The following TSPAN18 variants were observed in gnomAD, a reference collection of about 807,000 sequenced individuals.
The protein encoded by TSPAN18 is tetraspanin 18, also known as tetraspanin-18.
Under a neutral mutation model 27.3 loss-of-function variants are expected in TSPAN18, and 14 were observed. That is an observed-to-expected ratio of 0.51 (90% CI 0.34 to 0.80). TSPAN18 has a LOEUF of 0.80. Ranked by LOEUF, TSPAN18 falls within the 30% of genes least tolerant of loss-of-function variation. TSPAN18 has a pLI of 0.01. For missense variants in TSPAN18, 268 were observed against 323.9 expected (o/e 0.83, Z 1.32); for synonymous variants, 143 against 136.5 (o/e 1.05, Z -0.33).
At chr11:44,826,396 C>T (rs1362871203) in intron 2 of TSPAN18, among the ~76,000 whole-genome samples, 1 of 152,188 alleles carries the variant, frequency 6.6e-6, no homozygotes, top group Non-Finnish European at 1.5e-5. Flanking sequence ...TGCACTCCAG[C>T]CTGGGCAACA....
At chr11:44,865,374 G>T (rs148858831) in intron 3 of TSPAN18, among the ~76,000 whole-genome samples, 1 of 152,246 alleles carries the variant, frequency 6.6e-6, no homozygotes, top group Non-Finnish European at 1.5e-5. Context: ...GCAGAGCTCT[G>T]GGCACGTGGT....
chr11:44,910,515 G>A (rs753639167), intron 5 of TSPAN18, among the ~76,000 whole-genome samples: 3 of 152,342 alleles, frequency 2.0e-5, no homozygotes, highest in Middle Eastern at 3.4e-3. Context: ...TTTCTCCAAG[G>A]CATGGTCAGC....
chr11:44,848,383 C>T (rs1857528238), intron 2 of TSPAN18, among the ~76,000 whole-genome samples: 1 of 152,224 alleles, frequency 6.6e-6, no homozygotes, highest in Non-Finnish European at 1.5e-5. Context: ...CACTGAGCTG[C>T]CTTCCCCCAA....
rs116290785 is a variant in TSPAN18, at chr11:44,842,845, G to A, written c.-152-17483G>A. Among the ~76,000 whole-genome samples the A allele has an allele frequency of 7.1e-3, 1,081 of 152,252 alleles. 16 individuals are homozygous for A. Among genetic ancestry groups the A allele is most frequent in the African/African-American group, 0.024 (1,016 of 41,538 alleles). On this transcript the variant is annotated intron_variant, in intron 2 of 9. Transcript: ENST00000520358. ...CCAAGTTACCATCATCCAGATTAAA[G>A]TATAGAATGTTCCCATCCCTCCAGC...
intron 2 of TSPAN18, among the ~76,000 whole-genome samples, chr11:44,787,404 C>T (rs565081227): frequency 7.6e-4 from 116 of 152,292 alleles, no homozygotes; most frequent in Middle Eastern, 3.4e-3. Context: ...ACCTGCAATT[C>T]GGATCTTTCC....
chr11:44,916,197 C>CTG lies in TSPAN18; in HGVS notation c.259-1774_259-1773dup, dbSNP rs1859902788. ...CCCGAGGCGCTCACTAAGGTGGACC[C>CTG]TGGCCCACACAGTTTGGAGAGGCCT... On this transcript the variant is annotated intron_variant, in intron 5 of 9. Coordinates refer to ENST00000520358, the MANE Select transcript of TSPAN18 (RefSeq NM_130783.5). Among the ~76,000 whole-genome samples, 3 of 152,338 alleles carry CTG rather than the reference C, an allele frequency of 2.0e-5. No individual in the cohort carries two copies. The South Asian group carries it at 6.2e-4, about 32-fold the overall frequency.
Position 44,926,742 on chromosome 11 carries a change from G to T in TSPAN18, c.684G>T (p.Gly228=), listed in dbSNP as rs752513709. The change falls in exon 9 of 10, where the codon GGG becomes GGT. Residue 228 remains glycine (G), a synonymous_variant. Transcript: ENST00000520358. Reference sequence around the variant, plus strand: ...ACTTGGCCGGAGCCCTTGCCATCGGGGTACTGGCCATCGAGGTAAGTAAAG... The same window carrying T: ...ACTTGGCCGGAGCCCTTGCCATCGGTGTACTGGCCATCGAGGTAAGTAAAG... The part of the protein sequence containing the change: ...YVYLAGALAI[G]VLAIELFAMI... The T allele has an allele frequency of 2.5e-6, 4 of 1,614,124 alleles. No homozygotes were observed. Among genetic ancestry groups the T allele is most frequent in the Non-Finnish European group, 1.7e-6 (2 of 1,179,996 alleles).
intron 1 of TSPAN18, among the ~76,000 whole-genome samples, chr11:44,756,191 A>G (rs1207645808): frequency 6.6e-6 from 1 of 151,692 alleles, no homozygotes; most frequent in Non-Finnish European, 1.5e-5. Flanking sequence ...GTGGTCTTCA[A>G]TGTTATCTGG....
chr11:44,802,495 G>T lies in TSPAN18; in HGVS notation c.-153+37983G>T, dbSNP rs11038151. Among the ~76,000 whole-genome samples the T allele has an allele frequency of 3.2e-3, 484 of 152,284 alleles. 17 individuals carry two copies. In the East Asian group the frequency reaches 0.074, roughly 23 times the overall value. On this transcript the variant is annotated intron_variant, in intron 2 of 9. Coordinates refer to ENST00000520358, the MANE Select transcript of TSPAN18 (RefSeq NM_130783.5). ...TAAATCCCTCTGGCTGCTGCATGGA[G>T]AATGGATTATTGGAGCAAAAGTAGG...
intron 3 of TSPAN18, chr11:44,903,422 T>C (rs1394309629): frequency 6.6e-6 from 3 of 456,286 alleles, no homozygotes; most frequent in South Asian, 3.1e-5. Flanking sequence ...GAGGTGGCGA[T>C]GGTGAGTCTT....
At chr11:44,789,472 A>G (rs1302811061) in intron 2 of TSPAN18, among the ~76,000 whole-genome samples, 1 of 152,200 alleles carries the variant, frequency 6.6e-6, no homozygotes, top group African/African-American at 2.4e-5. Flanking sequence ...TCTGAGCCCC[A>G]GTTTCCACAC....
rs754874987 is a variant in TSPAN18 at position 44,919,214 on chromosome 11, C to T, written c.334C>T (p.Leu112Phe). Residue 112 changes from leucine to phenylalanine, a missense_variant and splice_region_variant, in exon 7 of 10, where the codon CTC becomes TTC. Coordinates refer to ENST00000520358, the MANE Select transcript of TSPAN18 (RefSeq NM_130783.5). ...GCCCATCTTCTCCCTCTGCCCCCAG[C>T]TCACCCGAGAATTCTTCACCAAGGA... ...AILAFIFREN[L>F]TREFFTKELT... The T allele has an allele frequency of 5.0e-6, 8 of 1,613,846 alleles. No individual in the cohort carries two copies. Among genetic ancestry groups the T allele is most frequent in the Non-Finnish European group, 5.9e-6 (7 of 1,179,788 alleles).
chr11:44,864,973 G>T (rs1857996986), intron 3 of TSPAN18, among the ~76,000 whole-genome samples: 1 of 152,224 alleles, frequency 6.6e-6, no homozygotes, highest in Non-Finnish European at 1.5e-5. Flanking sequence ...TGAATGGATG[G>T]ATGGGTGGAA....
intron 2 of TSPAN18, among the ~76,000 whole-genome samples, chr11:44,836,093 G>A (rs1857258384): frequency 6.6e-6 from 1 of 152,332 alleles, no homozygotes; most frequent in Admixed American, 6.5e-5. Flanking sequence ...GTGCTCAAGT[G>A]AAAGGAGGAG....
intron 9 of TSPAN18, among the ~76,000 whole-genome samples, chr11:44,927,805 C>G (rs933924660): frequency 6.6e-6 from 1 of 152,174 alleles, no homozygotes; most frequent in African/African-American, 2.4e-5. Context: ...TCTCCAAATG[C>G]AGGATGTCTA....
At chr11:44,765,395 C>T (rs1361447477) in intron 2 of TSPAN18, among the ~76,000 whole-genome samples, 1 of 152,192 alleles carries the variant, frequency 6.6e-6, no homozygotes, top group African/African-American at 2.4e-5. Flanking sequence ...AGGACGATGG[C>T]TCCGACCCTT....
intron 2 of TSPAN18, among the ~76,000 whole-genome samples, chr11:44,807,464 G>A (rs1590506104): frequency 1.5e-5 from 2 of 136,926 alleles, no homozygotes; most frequent in African/African-American, 2.8e-5. Flanking sequence ...GGAGGCGGAG[G>A]TTACAGTGAG....
At chr11:44,734,513 G>A (rs999266930) in intron 1 of TSPAN18, among the ~76,000 whole-genome samples, 2 of 152,254 alleles carry the variant, frequency 1.3e-5, no homozygotes, top group South Asian at 2.1e-4. Flanking sequence ...CCCCCTTGAG[G>A]AAGAGGAAGA....
intron 2 of TSPAN18, among the ~76,000 whole-genome samples, chr11:44,797,589 C>A (rs1856379212): frequency 6.6e-6 from 1 of 152,172 alleles, no homozygotes; most frequent in African/African-American, 2.4e-5. Context: ...GGAGCAAACA[C>A]ACCTACAGTG....
Sources: gnomAD v4.1 joint callset for allele counts (sites outside exome capture counted in the v4.1 genomes callset) on GRCh38, gnomAD v4.1.1 for gene constraint, MANE v1.5 for transcripts, NCBI Gene and HGNC (gene_info 2026-07-23, HGNC 2026-07-21) for gene names.